Variants in GALNT18 observed in about 807,000 individuals in gnomAD.
The protein encoded by GALNT18 is GalNAc-transferase 18.
GALNT18 carries 44 observed loss-of-function variants against 69.5 expected under a neutral mutation model. The ratio of observed to expected loss-of-function variants is 0.63; its 90% confidence interval spans 0.50 to 0.81. The LOEUF (loss-of-function observed/expected upper bound fraction) is 0.81, where lower values mean the gene tolerates loss of function less well. Among genes scored for constraint, GALNT18 ranks in the 40% least tolerant of loss-of-function variants. The probability of loss-of-function intolerance (pLI) is 0.00; values close to 1 mark genes in which losing one functional copy is unlikely to be tolerated. For missense variants in GALNT18, 715 were observed against 810.0 expected (o/e 0.88, Z 1.42); for synonymous variants, 364 against 318.2 (o/e 1.14, Z -1.53).
chr11:11,544,818 G>A (rs1399962481), intron 1 of GALNT18, among the ~76,000 whole-genome samples: 3 of 152,134 alleles, frequency 2.0e-5, no homozygotes, highest in East Asian at 1.9e-4. Flanking sequence ...AGAAACACTG[G>A]TCTGGTGCTA....
At position 11,553,501 on chromosome 11, in the gene GALNT18, C is replaced by T. The variant is rs551829571; in HGVS notation, c.235+67858G>A. ...GTCACCCCCTCCCTGCCTGCCTCTC[C>T]CAGAGTTCCACAGGCCAGAAGGAAT... On this transcript the variant is annotated intron_variant, in intron 1 of 10. Transcript: ENST00000227756. Among the ~76,000 whole-genome samples the T allele has an allele frequency of 8.5e-5, 13 of 152,298 alleles. No individual in the cohort carries two copies. The East Asian group carries it at 1.7e-3, about 20-fold the overall frequency.
intron 10 of GALNT18, among the ~76,000 whole-genome samples, chr11:11,274,486 G>A (rs1320836306): frequency 1.3e-5 from 2 of 152,178 alleles, no homozygotes; most frequent in Admixed American, 1.3e-4. Context: ...GGTTGACCTG[G>A]GATGCTCAAG....
At position 11,432,777 on chromosome 11, in the gene GALNT18, G is replaced by A. The variant is rs377748994; in HGVS notation, c.439C>T (p.Leu147Phe). The A allele has an allele frequency of 1.2e-6, 2 of 1,613,738 alleles. No individual in the cohort carries two copies. Among genetic ancestry groups the A allele is most frequent in the South Asian group, 1.1e-5 (1 of 91,008 alleles). ...PDLRPSGCRN[L>F]SFPDSLPEVS... is the part of the protein sequence containing the mutation. ...TCTGGCAGGCTGTCAGGAAATGAGA[G>A]GTTACGGCACCTGCAAAGAACAGCC... The change falls in exon 3 of 11, where the codon CTC becomes TTC. Residue 147 changes from leucine (L) to phenylalanine (F), a missense_variant. Leu to Phe is a conservative substitution (Grantham distance 22, BLOSUM62 0). Transcript: ENST00000227756. This position sits in a 1 kb window ranked among gnomAD's most constrained non-coding sequence, Gnocchi z 5.8.
chr11:11,474,057 C>G (rs1354632753), intron 1 of GALNT18, among the ~76,000 whole-genome samples: 2 of 152,100 alleles, frequency 1.3e-5, no homozygotes, highest in African/African-American at 4.8e-5. Context: ...GAGTAAGACT[C>G]CATCTCAAAA....
At chr11:11,321,184 G>A (rs928453773) in intron 9 of GALNT18, among the ~76,000 whole-genome samples, 3 of 152,182 alleles carry the variant, frequency 2.0e-5, no homozygotes, top group African/African-American at 7.2e-5. Flanking sequence ...TAGGAGTGTT[G>A]AGCCTAAAGA....
chr11:11,308,618 T>G (rs1849617906), intron 9 of GALNT18, among the ~76,000 whole-genome samples: 1 of 152,174 alleles, frequency 6.6e-6, no homozygotes, highest in African/African-American at 2.4e-5. Context: ...CTAATCAGGA[T>G]TCAAGGTGGA....
chr11:11,610,580 T>C (rs1859871660), intron 1 of GALNT18, among the ~76,000 whole-genome samples: 1 of 152,218 alleles, frequency 6.6e-6, no homozygotes, highest in Admixed American at 6.5e-5. Context: ...ATCTCTTCTA[T>C]GCACTTTCCA....
chr11:11,547,899 C>T (rs541539801), intron 1 of GALNT18, among the ~76,000 whole-genome samples: 60 of 152,286 alleles, frequency 3.9e-4, no homozygotes, highest in African/African-American at 1.3e-3. Flanking sequence ...ATTCCTGGAA[C>T]GTACCATGCT....
At chr11:11,352,686 T>G (rs780005479) in intron 6 of GALNT18, 1 of 1,614,024 alleles carries the variant, frequency 6.2e-7, no homozygotes, top group Admixed American at 1.7e-5. Flanking sequence ...GTGACAATAA[T>G]CCAGGGCCTT....
intron 3 of GALNT18, among the ~76,000 whole-genome samples, chr11:11,412,216 C>T (rs756092884): frequency 7.9e-5 from 12 of 152,252 alleles, no homozygotes; most frequent in South Asian, 2.1e-4. Context: ...AGGCCTTATA[C>T]GTGTGGCTCC....
At chr11:11,420,576 CT>C (rs1213721687) in intron 3 of GALNT18, among the ~76,000 whole-genome samples, 1 of 152,198 alleles carries the variant, frequency 6.6e-6, no homozygotes, top group Non-Finnish European at 1.5e-5. Flanking sequence ...GAGTTTTTAA[CT>C]GTTTTAACTA....
intron 1 of GALNT18, among the ~76,000 whole-genome samples, chr11:11,488,612 A>C (rs576228074): frequency 6.6e-6 from 1 of 152,182 alleles, no homozygotes; most frequent in South Asian, 2.1e-4. Context: ...TACTTGGCAC[A>C]TAAGTGCTCT....
intron 6 of GALNT18, among the ~76,000 whole-genome samples, chr11:11,367,817 T>C (rs1369139977): frequency 6.6e-6 from 1 of 152,218 alleles, no homozygotes; most frequent in Non-Finnish European, 1.5e-5. Flanking sequence ...TCTTACATTT[T>C]CCATAGAAAT....
At chr11:11,554,992 C>A (rs1265323839) in intron 1 of GALNT18, among the ~76,000 whole-genome samples, 7 of 152,228 alleles carry the variant, frequency 4.6e-5, no homozygotes, top group African/African-American at 1.7e-4. Context: ...TGAACCTACT[C>A]TTGCAGGCAC....
chr11:11,311,160 GCCCCACCTAAAAAGTTGGTGATACCCTA>G (rs1195112311), intron 9 of GALNT18, among the ~76,000 whole-genome samples: 1 of 152,116 alleles, frequency 6.6e-6, no homozygotes, highest in Non-Finnish European at 1.5e-5. Flanking sequence ...GTAAAGAACT[GCCCCACCTAAAAAGTTGGTGATACCCTA>G]CTAAGAAACG....
rs894877911 is a variant in GALNT18 at position 11,546,356 on chromosome 11, G to C, written c.235+75003C>G. ...CCATGCACTAGATCCTGCCACTGCT[G>C]CCTCTTTATTCTCTCCATTTCTGCC... On this transcript the variant is annotated intron_variant, in intron 1 of 10. Coordinates refer to ENST00000227756, the MANE Select transcript of GALNT18 (RefSeq NM_198516.3). This position sits in a 1 kb window ranked among gnomAD's most constrained non-coding sequence, Gnocchi z 5.8. 1.3e-5 allele frequency among the ~76,000 whole-genome samples: 2 copies of C among 152,116 alleles called. No homozygotes were observed. The highest frequency in any genetic ancestry group is 4.8e-5 in the African/African-American group (2 of 41,420).
chr11:11,621,843 C>T lies in GALNT18; in HGVS notation c.-250G>A. 1 of 530,080 alleles carries T rather than the reference C, an allele frequency of 1.9e-6. No homozygotes were observed. The highest frequency in any genetic ancestry group is 3.4e-6 in the Non-Finnish European group (1 of 295,790). The allele number at this position is 530,080 out of a possible 1,614,324, so 32.8% of individuals were successfully genotyped here. ...TGGATTTTTTTCCAAATTAAAAATC[C>T]CTGAACCCTTCCTAGAGGGGTCACG... On this transcript the variant is annotated 5_prime_UTR_variant, in exon 1 of 11. Transcript: ENST00000227756. The surrounding 1 kb of genome is among the most constrained non-coding windows in gnomAD (Gnocchi z 9.3).
intron 1 of GALNT18, among the ~76,000 whole-genome samples, chr11:11,558,473 G>A (rs1175478990): frequency 1.3e-5 from 2 of 152,372 alleles, no homozygotes; most frequent in African/African-American, 2.4e-5. Flanking sequence ...TGGGCTCTGC[G>A]GAGGGCACAG....
chr11:11,414,504 C>T (rs1412145758), intron 3 of GALNT18, among the ~76,000 whole-genome samples: 1 of 152,190 alleles, frequency 6.6e-6, no homozygotes, highest in African/African-American at 2.4e-5. Context: ...CTTTTCCATG[C>T]TCTTCACATG....
Sources: gnomAD v4.1 joint callset for allele counts (sites outside exome capture counted in the v4.1 genomes callset) on GRCh38, gnomAD v4.1.1 for gene constraint, Gnocchi (gnomAD v3.1) non-coding constraint, MANE v1.5 for transcripts, NCBI Gene and HGNC (gene_info 2026-07-23, HGNC 2026-07-21) for gene names.